ERC2: variants seen among roughly 807,000 people sequenced by gnomAD.
ERC2 encodes the protein ELKS/RAB6-interacting/CAST family member 2.
A neutral mutation model predicts 114.8 loss-of-function variants in ERC2; 42 were observed. That is an observed-to-expected ratio of 0.37 (90% CI 0.29 to 0.47). The LOEUF (loss-of-function observed/expected upper bound fraction) is 0.47, where lower values mean the gene tolerates loss of function less well. Among genes scored for constraint, ERC2 ranks in the 20% least tolerant of loss-of-function variants. The probability of loss-of-function intolerance (pLI) is 0.99; values close to 1 mark genes in which losing one functional copy is unlikely to be tolerated. For synonymous variants in ERC2, 454 were observed against 425.5 expected (o/e 1.07, Z -0.82); for missense variants, 939 against 1,150.7 (o/e 0.82, Z 2.66).
intron 13 of ERC2, among the ~76,000 whole-genome samples, chr3:55,929,694 A>G (rs983590931): frequency 6.6e-6 from 1 of 152,156 alleles, no homozygotes; most frequent in South Asian, 2.1e-4. Flanking sequence ...GCCTAGTGGG[A>G]GGGGACTGGA....
At chr3:56,307,065 C>G (rs1392309466) in intron 2 of ERC2, among the ~76,000 whole-genome samples, 2 of 152,168 alleles carry the variant, frequency 1.3e-5, no homozygotes, top group African/African-American at 2.4e-5. Context: ...ACACACTGGC[C>G]CTGGTGCAGA....
chr3:56,455,123 G>A (rs2063006688), intron 1 of ERC2, among the ~76,000 whole-genome samples: 1 of 151,818 alleles, frequency 6.6e-6, no homozygotes, highest in Non-Finnish European at 1.5e-5. Context: ...GATTGATGGT[G>A]GTGATGGCTG....
intron 14 of ERC2, among the ~76,000 whole-genome samples, chr3:55,836,827 A>G (rs186136582): frequency 2.3e-3 from 353 of 152,346 alleles, no homozygotes; most frequent in African/African-American, 8.3e-3. Context: ...AACCTATAAA[A>G]TGGGAGAAAA....
At chr3:55,550,332 T>C (rs976406435) in intron 17 of ERC2, among the ~76,000 whole-genome samples, 1 of 152,176 alleles carries the variant, frequency 6.6e-6, no homozygotes, top group Non-Finnish European at 1.5e-5. Context: ...TGTTTGGGTG[T>C]GTGATTATCT....
intron 6 of ERC2, among the ~76,000 whole-genome samples, chr3:56,120,247 T>C (rs537929344): frequency 2.0e-5 from 3 of 152,256 alleles, no homozygotes; most frequent in East Asian, 1.9e-4. Context: ...CAGCTTTCGA[T>C]TGGGCGCCGG....
chr3:56,430,434 C>T (rs898463171), intron 2 of ERC2, among the ~76,000 whole-genome samples: 4 of 152,158 alleles, frequency 2.6e-5, no homozygotes, highest in African/African-American at 9.7e-5. Flanking sequence ...TGTAATCATG[C>T]CACTCCAAAG....
intron 2 of ERC2, among the ~76,000 whole-genome samples, chr3:56,356,503 T>C (rs2058748999): frequency 6.6e-6 from 1 of 152,214 alleles, no homozygotes; most frequent in East Asian, 1.9e-4. Flanking sequence ...CGTTCATTCA[T>C]TCACATCCGA....
At chr3:55,756,155 A>T (rs1000263948) in intron 14 of ERC2, among the ~76,000 whole-genome samples, 1 of 152,244 alleles carries the variant, frequency 6.6e-6, no homozygotes, top group East Asian at 1.9e-4. Flanking sequence ...AAAAAAATTT[A>T]AAACAGTTAT....
At chr3:56,212,614 A>C (rs1475729210) in intron 3 of ERC2, among the ~76,000 whole-genome samples, 1 of 152,224 alleles carries the variant, frequency 6.6e-6, no homozygotes, top group East Asian at 1.9e-4. Context: ...GTATCTACCC[A>C]GAGGAAAATA....
intron 2 of ERC2, among the ~76,000 whole-genome samples, chr3:56,411,560 C>T (rs1205502226): frequency 1.3e-5 from 2 of 152,124 alleles, no homozygotes; most frequent in African/African-American, 4.8e-5. Context: ...CTGTTAAAGT[C>T]ATATGCATAA....
intron 17 of ERC2, among the ~76,000 whole-genome samples, chr3:55,647,870 T>C (rs1006855667): frequency 6.6e-6 from 1 of 152,242 alleles, no homozygotes; most frequent in African/African-American, 2.4e-5. Context: ...CGCAGCTGGC[T>C]GTGGTCCTGC....
intron 12 of ERC2, among the ~76,000 whole-genome samples, chr3:55,975,442 T>C (rs2069508098): frequency 6.6e-6 from 1 of 152,216 alleles, no homozygotes; most frequent in African/African-American, 2.4e-5. Context: ...TATTTGTTTC[T>C]TCTGTCTTGC....
At chr3:55,954,200 A>G (rs899580362) in intron 12 of ERC2, among the ~76,000 whole-genome samples, 1 of 152,032 alleles carries the variant, frequency 6.6e-6, no homozygotes, top group Non-Finnish European at 1.5e-5. Flanking sequence ...AGATAAAAAC[A>G]ATTATGGTAA....
chr3:55,605,749 A>G (rs1295439195), intron 17 of ERC2, among the ~76,000 whole-genome samples: 1 of 152,218 alleles, frequency 6.6e-6, no homozygotes, highest in Non-Finnish European at 1.5e-5. Flanking sequence ...CAATTCCAAA[A>G]CTGAAAATTA....
chr3:55,729,837 C>CAAAAAAAAAA (rs71096498), intron 15 of ERC2, among the ~76,000 whole-genome samples: 9,482 of 61,458 alleles, frequency 0.15, 3,141 homozygotes, highest in Admixed American at 0.19. Flanking sequence ...GACTCTATCG[C>CAAAAAAAAAA]AAAAAAAAAA....
At chr3:56,345,607 A>G (rs2058274651) in intron 2 of ERC2, among the ~76,000 whole-genome samples, 1 of 152,232 alleles carries the variant, frequency 6.6e-6, no homozygotes, top group Non-Finnish European at 1.5e-5. Flanking sequence ...GGAAGACTAC[A>G]GAGCTGGGGA....
intron 14 of ERC2, among the ~76,000 whole-genome samples, chr3:55,805,239 T>C (rs186300452): frequency 3.9e-5 from 6 of 152,166 alleles, no homozygotes; most frequent in Admixed American, 3.9e-4. Context: ...ACCTACTATA[T>C]GTTTTCCTTA....
At chr3:55,639,702 C>G (rs1167017648) in intron 17 of ERC2, among the ~76,000 whole-genome samples, 1 of 152,176 alleles carries the variant, frequency 6.6e-6, no homozygotes, top group Non-Finnish European at 1.5e-5. Flanking sequence ...CTGTCTCTTG[C>G]TTTTAACCCA....
chr3:56,328,163 G>A (rs2057450576), intron 2 of ERC2, among the ~76,000 whole-genome samples: 1 of 152,102 alleles, frequency 6.6e-6, no homozygotes. Flanking sequence ...ACCAGGGAGG[G>A]CTCCATGCAG....
Sources: allele counts gnomAD v4.1 joint callset (sites outside exome capture counted in the v4.1 genomes callset), GRCh38; gene constraint gnomAD v4.1.1; transcripts MANE v1.5; gene names NCBI Gene and HGNC (gene_info 2026-07-23, HGNC 2026-07-21).